OPCML: variants seen among roughly 807,000 people sequenced by gnomAD.
OPCML encodes the protein opioid binding protein/cell adhesion molecule like, also known as opioid-binding protein/cell adhesion molecule.
OPCML carries 13 observed loss-of-function variants against 37.8 expected under a neutral mutation model. The observed-to-expected ratio is 0.34, with a 90% CI of 0.22 to 0.55. The LOEUF is 0.55. Ranked by LOEUF, OPCML falls within the 20% of genes least tolerant of loss-of-function variation. The pLI is 0.91. For synonymous variants in OPCML, 176 were observed against 168.8 expected (o/e 1.04, Z -0.33); for missense variants, 341 against 435.6 (o/e 0.78, Z 1.93).
intron 2 of OPCML, among the ~76,000 whole-genome samples, chr11:132,723,139 T>C (rs1341429366): frequency 6.6e-6 from 1 of 152,206 alleles, no homozygotes. Flanking sequence ...GCCATGTGAT[T>C]AGGAAATGGT....
chr11:133,007,779 T>G, intron 1 of OPCML: 3 of 985,432 alleles, frequency 3.0e-6, no homozygotes, highest in Non-Finnish European at 3.6e-6. Flanking sequence ...ACATTTTGAA[T>G]AGTTAGCACA....
intron 1 of OPCML, among the ~76,000 whole-genome samples, chr11:133,073,936 G>A (rs1948583726): frequency 1.3e-5 from 2 of 152,202 alleles, no homozygotes; most frequent in Admixed American, 1.3e-4. Context: ...CACAGAAGTG[G>A]TAAATAGCAC....
chr11:133,466,414 T>C (rs569910074), intron 1 of OPCML, among the ~76,000 whole-genome samples: 1 of 152,320 alleles, frequency 6.6e-6, no homozygotes, highest in East Asian at 1.9e-4. Context: ...TGATCTCTTC[T>C]GGAAGAAGTA....
At chr11:133,459,526 GA>G (rs1946810659) in intron 1 of OPCML, among the ~76,000 whole-genome samples, 1 of 151,980 alleles carries the variant, frequency 6.6e-6, no homozygotes, top group African/African-American at 2.4e-5. Context: ...GAAAATATGG[GA>G]AAAGGTATTC....
intron 1 of OPCML, among the ~76,000 whole-genome samples, chr11:133,423,590 A>G (rs1408377626): frequency 6.6e-6 from 1 of 152,230 alleles, no homozygotes; most frequent in Non-Finnish European, 1.5e-5. Context: ...GATAGGAAGC[A>G]ATGATGAACC....
intron 2 of OPCML, among the ~76,000 whole-genome samples, chr11:132,809,081 TAAAG>T (rs1320565870): frequency 6.6e-6 from 1 of 152,114 alleles, no homozygotes. Flanking sequence ...CTAGAGATCT[TAAAG>T]AAAGTGGCAC....
chr11:133,046,478 C>T (rs1177667489), intron 1 of OPCML, among the ~76,000 whole-genome samples: 1 of 152,178 alleles, frequency 6.6e-6, no homozygotes, highest in Non-Finnish European at 1.5e-5. Flanking sequence ...CACGGCCTCC[C>T]TCCCCTTGTC....
intron 3 of OPCML, among the ~76,000 whole-genome samples, chr11:132,635,864 C>A (rs775316348): frequency 5.9e-5 from 9 of 152,018 alleles, no homozygotes; most frequent in African/African-American, 1.9e-4. Context: ...CAGAACCAAG[C>A]GGCAGGAGGT....
intron 1 of OPCML, among the ~76,000 whole-genome samples, chr11:133,168,328 G>A (rs1424669619): frequency 1.3e-5 from 2 of 152,122 alleles, no homozygotes; most frequent in East Asian, 3.9e-4. Flanking sequence ...GGAAACTGGG[G>A]CTTGGGGGGA....
At chr11:133,200,402 T>C (rs1289999439) in intron 1 of OPCML, among the ~76,000 whole-genome samples, 3 of 152,206 alleles carry the variant, frequency 2.0e-5, no homozygotes, top group Non-Finnish European at 2.9e-5. Context: ...ATTGCAAATA[T>C]TTTTCTCTTC....
At position 133,211,837 on chromosome 11, in the gene OPCML, A is replaced by G. The variant is rs1156329949; in HGVS notation, c.62-268827T>C. Among the ~76,000 whole-genome samples, 3 of 152,234 alleles carry G rather than the reference A, an allele frequency of 2.0e-5. No homozygotes were observed. Among genetic ancestry groups the G allele is most frequent in the South Asian group, 2.1e-4 (1 of 4,838 alleles). ...AGTAGACAGTTAAACCTTCAAGAGT[A>G]TAAGCATTTGACTCAAACTCTTCAA... On this transcript the variant is annotated intron_variant, in intron 1 of 7. Transcript: ENST00000524381. This position sits in a 1 kb window ranked among gnomAD's most constrained non-coding sequence, Gnocchi z 4.1.
intron 3 of OPCML, among the ~76,000 whole-genome samples, chr11:132,571,220 C>T (rs948667528): frequency 1.3e-5 from 2 of 151,968 alleles, no homozygotes; most frequent in East Asian, 2.0e-4. Context: ...TGGGGGGTCT[C>T]GGGCCTTCAG....
rs374821985 is a variant in OPCML at position 132,654,778 on chromosome 11, ATCCCCAAGAGAAGCTCT to A, written c.379+2292_379+2308del. ...ATAAGCTCCTCCCCAAGAGAACATCATCCCCAAGAGAAGCTCTTCCCCAAGAGAAGCTCCTCCCCAAA... is the reference window on the plus strand; with the variant it reads ...ATAAGCTCCTCCCCAAGAGAACATCATCCCCAAGAGAAGCTCCTCCCCAAA... On this transcript the variant is annotated intron_variant, in intron 3 of 7. Transcript: ENST00000524381. Among the ~76,000 whole-genome samples, 388 of 149,076 alleles carry A rather than the reference ATCCCCAAGAGAAGCTCT, an allele frequency of 2.6e-3. 2 individuals carry two copies. Among genetic ancestry groups the A allele is most frequent in the African/African-American group, 8.8e-3 (355 of 40,430 alleles).
At chr11:133,017,581 G>T (rs1222062837) in intron 1 of OPCML, among the ~76,000 whole-genome samples, 1 of 152,062 alleles carries the variant, frequency 6.6e-6, no homozygotes, top group Non-Finnish European at 1.5e-5. Context: ...TAGAGACAGG[G>T]TTTCTCCATG....
At chr11:133,509,173 G>A (rs1312044210) in intron 1 of OPCML, among the ~76,000 whole-genome samples, 1 of 151,954 alleles carries the variant, frequency 6.6e-6, no homozygotes, top group East Asian at 1.9e-4. Flanking sequence ...CATCACCTAG[G>A]TATTAAGGCC....
intron 2 of OPCML, among the ~76,000 whole-genome samples, chr11:132,839,403 G>A (rs1165238808): frequency 1.3e-5 from 2 of 152,328 alleles, no homozygotes; most frequent in East Asian, 3.9e-4. Context: ...CAGGGCCCAA[G>A]GACAAACTCG....
At chr11:133,470,594 G>A (rs948073184) in intron 1 of OPCML, among the ~76,000 whole-genome samples, 3 of 152,206 alleles carry the variant, frequency 2.0e-5, no homozygotes, top group Non-Finnish European at 4.4e-5. Flanking sequence ...CCAGTGGTAG[G>A]ATTTCTGGAA....
chr11:133,527,412 G>A (rs1948511571), intron 1 of OPCML, among the ~76,000 whole-genome samples: 2 of 152,162 alleles, frequency 1.3e-5, no homozygotes, highest in African/African-American at 4.8e-5. Flanking sequence ...GATTTTTGAG[G>A]CAGGAGAATA....
intron 1 of OPCML, among the ~76,000 whole-genome samples, chr11:133,149,186 G>C (rs1381492250): frequency 6.6e-6 from 1 of 152,188 alleles, no homozygotes; most frequent in Non-Finnish European, 1.5e-5. Context: ...TAGGTTTTGT[G>C]GTTTGTTCGT....
Sources: allele counts gnomAD v4.1 joint callset (sites outside exome capture counted in the v4.1 genomes callset), GRCh38; gene constraint gnomAD v4.1.1; non-coding constraint Gnocchi (gnomAD v3.1); transcripts MANE v1.5; gene names NCBI Gene and HGNC (gene_info 2026-07-23, HGNC 2026-07-21).